Variants in FANCA observed in about 807,000 individuals in gnomAD.
FANCA encodes FA complementation group A.
A neutral mutation model predicts 194.3 loss-of-function variants in FANCA; 236 were observed. That is an observed-to-expected ratio of 1.21 (90% CI 1.09 to 1.35). The LOEUF (loss-of-function observed/expected upper bound fraction) is 1.35. Ranked by LOEUF, FANCA falls within the 40% of genes most tolerant of loss-of-function variation. The pLI, the probability that FANCA is intolerant of heterozygous loss-of-function variation, is 0.00. For synonymous variants in FANCA, 1,014 were observed against 715.8 expected (o/e 1.42, Z -6.65); for missense variants, 2,628 against 1,813.9 (o/e 1.45, Z -8.15).
intron 14 of FANCA, among the ~76,000 whole-genome samples, chr16:89,789,563 G>C (rs971121455): frequency 6.6e-6 from 1 of 150,648 alleles, no homozygotes; most frequent in Non-Finnish European, 1.5e-5. Flanking sequence ...GCCTCAGCCG[G>C]TAAGTAGCCA....
chr16:89,815,644 C>T (rs925871426), intron 2 of FANCA, among the ~76,000 whole-genome samples: 1 of 152,164 alleles, frequency 6.6e-6, no homozygotes, highest in Non-Finnish European at 1.5e-5. Flanking sequence ...CCCTGAGCCA[C>T]GGCGCCCGGC....
rs2062016220 is a variant in FANCA at position 89,738,257 on chromosome 16, G to A, written c.*344C>T. 2.5e-6 allele frequency: 4 copies of A among 1,588,716 alleles called. No homozygotes were observed. Among genetic ancestry groups the A allele is most frequent in the African/African-American group, 2.7e-5 (2 of 74,218 alleles). On this transcript the variant is annotated 3_prime_UTR_variant, in exon 43 of 43. Coordinates refer to ENST00000389301, the MANE Select transcript of FANCA (RefSeq NM_000135.4). ...CCCGAACCCACCTGAGGACGGCAGT[G>A]AGGATGAGCACCTCTAGCAGCCTGG...
chr16:89,796,349 GC>G (rs1319505474), intron 10 of FANCA, among the ~76,000 whole-genome samples: 2 of 152,150 alleles, frequency 1.3e-5, no homozygotes, highest in African/African-American at 4.8e-5. Context: ...CGGGAGTGGA[GC>G]CCCGGGAGCC....
intron 38 of FANCA, chr16:89,740,421 CTG>C: frequency 2.1e-6 from 1 of 469,262 alleles, no homozygotes; most frequent in Non-Finnish European, 3.9e-6. Flanking sequence ...CGGCGGATCA[CTG>C]AGGCCAGTTC....
At chr16:89,750,488 AAAAC>A (rs141863747) in intron 31 of FANCA, among the ~76,000 whole-genome samples, 20,503 of 148,628 alleles carry the variant, frequency 0.14, 1,905 homozygotes, top group Middle Eastern at 0.28. Flanking sequence ...GTCTCAAAAA[AAAAC>A]AAACAAAAAA....
intron 13 of FANCA, 88 bp downstream of exon 13, chr16:89,791,839 G>C (rs891282691): frequency 4.8e-5 from 75 of 1,551,156 alleles, no homozygotes; most frequent in Non-Finnish European, 6.2e-5. Context: ...GCTTCACTGA[G>C]AGGCTCACCC....
At chr16:89,799,682 A>G (rs553128018) in intron 8 of FANCA, 44 bp from the exon 9 acceptor site, 1 of 1,483,724 alleles carries the variant, frequency 6.7e-7, no homozygotes, top group East Asian at 2.3e-5. Flanking sequence ...AATCTTCTGT[A>G]ATTTGTGTGA....
At chr16:89,769,586 C>T (rs1010585919) in intron 26 of FANCA, 1 of 552,596 alleles carries the variant, frequency 1.8e-6, no homozygotes, top group African/African-American at 1.9e-5. Flanking sequence ...ACGATATAGA[C>T]AGTTACTATC....
At chr16:89,752,799 C>T (rs2038641422) in intron 30 of FANCA, among the ~76,000 whole-genome samples, 1 of 152,184 alleles carries the variant, frequency 6.6e-6, no homozygotes. Context: ...TCTGGGAAGA[C>T]GCCCGTCACC....
Position 89,783,059 on chromosome 16 carries a change from G to T in FANCA, c.1514C>A (p.Ser505Tyr), listed in dbSNP as rs756532738. 1 of 1,613,990 alleles carries T rather than the reference G, an allele frequency of 6.2e-7. No homozygotes were observed. Residue 505 changes from serine to tyrosine, a missense_variant, in exon 16 of 43, where the codon TCC (serine) becomes TAC (tyrosine). Ser to Tyr is a moderately radical substitution (Grantham distance 144). Transcript: ENST00000389301. ...CAATGAGATGTAGTCTGTGAGGAGG[G>T]AGCGGTACTTGCCGGGAACCAGGGG... ...HPPLVPGKYRSLLTDYISLAK... is the reference protein window; with the variant it reads ...HPPLVPGKYRYLLTDYISLAK...
intron 33 of FANCA, among the ~76,000 whole-genome samples, chr16:89,747,854 T>G (rs1053883693): frequency 2.0e-5 from 3 of 152,170 alleles, no homozygotes; most frequent in Non-Finnish European, 2.9e-5. Context: ...GAGGGGCTGG[T>G]ATCCGTCTCC....
intron 21 of FANCA, 60 bp downstream of exon 21, chr16:89,775,682 C>G: frequency 1.4e-6 from 2 of 1,403,832 alleles, no homozygotes; most frequent in African/African-American, 1.4e-5. Flanking sequence ...AACAGACACT[C>G]AAGGTTAGGA....
chr16:89,770,529 A>G, intron 24 of FANCA, 35 bp downstream of exon 24: 13 of 1,560,976 alleles, frequency 8.3e-6, no homozygotes, highest in Non-Finnish European at 1.1e-5. Context: ...CACCCAGAGG[A>G]GCCCCACCAC....
At chr16:89,806,884 G>A in intron 6 of FANCA, among the ~76,000 whole-genome samples, 1 of 152,168 alleles carries the variant, frequency 6.6e-6, no homozygotes, top group Non-Finnish European at 1.5e-5. Flanking sequence ...CAGACGGGGT[G>A]GTGGCCGGGT....
chr16:89,749,641 C>G (rs2038511329), intron 32 of FANCA, 89 bp downstream of exon 32: 1 of 1,497,882 alleles, frequency 6.7e-7, no homozygotes, highest in Non-Finnish European at 9.1e-7. Context: ...TAACGGGAAA[C>G]AAACTCACTA....
intron 22 of FANCA, among the ~76,000 whole-genome samples, chr16:89,772,612 T>A (rs2039363464): frequency 6.6e-6 from 1 of 152,084 alleles, no homozygotes; most frequent in South Asian, 2.1e-4. Flanking sequence ...AGGTCAGGAT[T>A]TCAAAACCAG....
intron 8 of FANCA, 130 bp from the exon 9 acceptor site, chr16:89,799,768 CG>C (rs1456545714): frequency 2.6e-6 from 2 of 755,416 alleles, no homozygotes; most frequent in African/African-American, 3.5e-5. Flanking sequence ...CCGAGGCGGG[CG>C]GATCACGAGG....
At chr16:89,789,351 G>A (rs1598148136) in intron 14 of FANCA, among the ~76,000 whole-genome samples, 1 of 151,366 alleles carries the variant, frequency 6.6e-6, no homozygotes, top group African/African-American at 2.4e-5. Context: ...TGCAGGCACC[G>A]CAGCCCTTGA....
intron 31 of FANCA, among the ~76,000 whole-genome samples, chr16:89,750,268 T>A (rs1348442812): frequency 6.7e-6 from 1 of 148,916 alleles, no homozygotes; most frequent in Non-Finnish European, 1.5e-5. Flanking sequence ...GATCACGAGG[T>A]CAGGAGATGG....
Sources: gnomAD v4.1 joint callset for allele counts (sites outside exome capture counted in the v4.1 genomes callset) on GRCh38, gnomAD v4.1.1 for gene constraint, MANE v1.5 for transcripts, NCBI Gene and HGNC (gene_info 2026-07-23, HGNC 2026-07-21) for gene names.